CT47C1: variants seen among roughly 807,000 people sequenced by gnomAD.
CT47C1 encodes cancer/testis antigen family 47 member C1.
At chrX:119,073,907 ACAGAGGAGGCCGCAGAAGAGCCCG>A in the CT47C1 span, 2 of 833,564 alleles carry the variant, frequency 2.4e-6, no homozygotes, top group Admixed American at 4.7e-5. Context: ...AGAGAAGCCC[ACAGAGGAGGCCGCAGAAGAGCCCG>A]CAGAGGAGGC....
the CT47C1 span, among the ~76,000 whole-genome samples, chrX:119,075,902 G>A: frequency 8.9e-6 from 1 of 111,779 alleles, no homozygotes; most frequent in Non-Finnish European, 1.9e-5. Context: ...TGCCTCTCAT[G>A]TAAAAACAAC....
chrX:119,074,624 C>T, the CT47C1 span, among the ~76,000 whole-genome samples: 3 of 111,356 alleles, frequency 2.7e-5, no homozygotes, highest in Non-Finnish European at 5.7e-5. Flanking sequence ...AAATATTTTC[C>T]CAGCAAAGTT....
the CT47C1 span, chrX:119,074,020 G>T: frequency 5.0e-6 from 3 of 597,786 alleles, no homozygotes; most frequent in Non-Finnish European, 8.1e-6. Flanking sequence ...AAGAGGAACC[G>T]GCTGCAGAGG....
the CT47C1 span, chrX:119,075,113 G>A: frequency 9.3e-7 from 1 of 1,080,206 alleles, no homozygotes; most frequent in Non-Finnish European, 1.3e-6. Flanking sequence ...GAAAATCCAG[G>A]TATCGGTGTA....
chrX:119,073,987 G>C, the CT47C1 span: 178 of 699,659 alleles, frequency 2.5e-4, no homozygotes, highest in Non-Finnish European at 3.8e-4. Context: ...AGCTCGCAGA[G>C]GAGGCCGCAG....
At chrX:119,073,339 C>G in the CT47C1 span, 4 of 526,779 alleles carry the variant, frequency 7.6e-6, no homozygotes, top group Admixed American at 9.7e-5. Context: ...ACTCTGGCCC[C>G]GACAGTGGCA....
chrX:119,073,241 G>T, the CT47C1 span: 1 of 487,448 alleles, frequency 2.1e-6, no homozygotes, highest in East Asian at 3.4e-5. Flanking sequence ...TGCCACAGGG[G>T]ATCAAGACCT....
At chrX:119,075,731 CT>C in the CT47C1 span, among the ~76,000 whole-genome samples, 1,800 of 86,909 alleles carry the variant, frequency 0.021, 21 homozygotes, top group African/African-American at 0.053. Context: ...TTTCTTTTTT[CT>C]TTTTTTTTTT....
chrX:119,073,485 TGGA>T, the CT47C1 span: 14 of 507,441 alleles, frequency 2.8e-5, no homozygotes, highest in Non-Finnish European at 1.1e-5. Context: ...GTGGAGATGG[TGGA>T]GGAGGAGGAG....
At chrX:119,076,714 A>C in the CT47C1 span, among the ~76,000 whole-genome samples, 1 of 112,510 alleles carries the variant, frequency 8.9e-6, no homozygotes. Flanking sequence ...AATGATTTTC[A>C]TACTGATTAC....
the CT47C1 span, chrX:119,074,847 C>T: frequency 1.2e-6 from 1 of 840,078 alleles, no homozygotes; most frequent in Non-Finnish European, 1.7e-6. Flanking sequence ...TTAGTTAAGT[C>T]TATCCTCCTG....
At chrX:119,074,850 T>C in the CT47C1 span, 3 of 842,271 alleles carry the variant, frequency 3.6e-6, no homozygotes, top group South Asian at 7.5e-5. Context: ...GTTAAGTCTA[T>C]CCTCCTGCTT....
chrX:119,075,045 T>A, the CT47C1 span: 1 of 1,090,912 alleles, frequency 9.2e-7, no homozygotes, highest in Admixed American at 2.2e-5. Context: ...AAGAGAAGGA[T>A]GCTGAAAACA....
the CT47C1 span, chrX:119,075,188 A>G: frequency 1.0e-6 from 1 of 1,004,089 alleles, no homozygotes; most frequent in Non-Finnish European, 1.3e-6. Context: ...ATTTTAAAAT[A>G]AAATTCCCAG....
the CT47C1 span, chrX:119,073,284 A>G: frequency 8.0e-6 from 4 of 502,175 alleles, no homozygotes; most frequent in African/African-American, 7.0e-5. Context: ...CCAGTGAACC[A>G]GGAGGGAGCG....
At chrX:119,075,141 C>A in the CT47C1 span, 1 of 1,064,203 alleles carries the variant, frequency 9.4e-7, no homozygotes. Context: ...GAGAATCACT[C>A]AACTATTCCT....
the CT47C1 span, among the ~76,000 whole-genome samples, chrX:119,075,575 T>G: frequency 7.1e-5 from 8 of 112,408 alleles, 1 homozygote; most frequent in South Asian, 2.9e-3. Flanking sequence ...AAGCTAAGAA[T>G]TTCAAGTAGG....
At chrX:119,074,215 G>A in the CT47C1 span, 1,541 of 382,299 alleles carry the variant, frequency 4.0e-3, 4 homozygotes, top group Non-Finnish European at 5.9e-3. Flanking sequence ...TGAAGTGGGG[G>A]TCAGGGCCCT....
the CT47C1 span, chrX:119,073,705 T>G: frequency 4.3e-6 from 3 of 697,577 alleles, no homozygotes; most frequent in Middle Eastern, 3.1e-4. Flanking sequence ...GGCGCCGCAC[T>G]GCGGCGCCCA....
Sources: allele counts gnomAD v4.1 joint callset (sites outside exome capture counted in the v4.1 genomes callset), GRCh38; gene constraint gnomAD v4.1.1; transcripts MANE v1.5; gene names NCBI Gene and HGNC (gene_info 2026-07-23, HGNC 2026-07-21).